Variants in RTN1 observed in about 807,000 individuals in gnomAD.
RTN1 encodes reticulon 1.
A neutral mutation model predicts 65.5 loss-of-function variants in RTN1; 25 were observed. The ratio of observed to expected loss-of-function variants is 0.38; its 90% CI spans 0.28 to 0.53. The LOEUF is 0.53. Among genes scored for constraint, RTN1 ranks in the 20% least tolerant of loss-of-function variants. The pLI, the probability that RTN1 is intolerant of heterozygous loss-of-function variation, is 0.79. For synonymous variants in RTN1, 471 were observed against 447.6 expected (o/e 1.05, Z -0.66); for missense variants, 983 against 1,025.4 (o/e 0.96, Z 0.57).
chr14:59,679,132 TA>T (rs1161009905), intron 3 of RTN1, among the ~76,000 whole-genome samples: 1 of 152,184 alleles, frequency 6.6e-6, no homozygotes, highest in Non-Finnish European at 1.5e-5. Flanking sequence ...AAGGCCAAGA[TA>T]ATCCCTAACT....
At chr14:59,625,104 G>C (rs1320198284) in intron 3 of RTN1, among the ~76,000 whole-genome samples, 4 of 152,120 alleles carry the variant, frequency 2.6e-5, no homozygotes, top group Non-Finnish European at 5.9e-5. Context: ...AGGAGGGAAA[G>C]AGAGACTTTT....
At chr14:59,769,604 T>C (rs544568907) in intron 1 of RTN1, among the ~76,000 whole-genome samples, 1 of 152,354 alleles carries the variant, frequency 6.6e-6, no homozygotes, top group Admixed American at 6.5e-5. Flanking sequence ...TTATAAGACC[T>C]GCCATGCAGA....
Position 59,607,490 on chromosome 14 carries a change from T to C in RTN1, c.1768A>G (p.Ile590Val). 2 of 1,603,338 alleles carry C rather than the reference T, an allele frequency of 1.2e-6. No homozygotes were observed. The highest frequency in any genetic ancestry group is 4.5e-5 in the East Asian group (2 of 44,422). Residue 590 changes from isoleucine to valine, a missense_variant and splice_region_variant, in exon 4 of 9, where the codon ATT (isoleucine) becomes GTT (valine). Physicochemically the swap from Ile to Val is conservative, Grantham distance 29. Around this residue, in one of 2 missense-constraint regions of RTN1, gnomAD observed 818 missense variants for 801.8 expected, o/e 1.02. Coordinates refer to ENST00000267484, the MANE Select transcript of RTN1 (RefSeq NM_021136.3). ...ATGTCCCGCCAATACAACAGGTCAA[T>C]AGCTGCAGGAGACACCAAACACACC... is the stretch of plus-strand genomic sequence containing the variant. ...PLLFLNKQKA[I>V]DLLYWRDIKQ...
At chr14:59,731,372 A>G (rs1384060117) in intron 2 of RTN1, among the ~76,000 whole-genome samples, 1 of 152,172 alleles carries the variant, frequency 6.6e-6, no homozygotes, top group African/African-American at 2.4e-5. Flanking sequence ...AAGGGGGTGC[A>G]GGGTTTCTTT....
chr14:59,798,981 A>G (rs1886489381), intron 1 of RTN1, among the ~76,000 whole-genome samples: 1 of 152,190 alleles, frequency 6.6e-6, no homozygotes, highest in Admixed American at 6.6e-5. Flanking sequence ...CTCTTGAAAA[A>G]CAATTGCCAG....
chr14:59,598,923 G>A (rs774118420), intron 8 of RTN1, among the ~76,000 whole-genome samples: 7 of 152,060 alleles, frequency 4.6e-5, no homozygotes, highest in Non-Finnish European at 1.0e-4. Flanking sequence ...ACAGTACCCT[G>A]GTCATCTTTG....
At chr14:59,853,626 T>G (rs1887548783) in intron 1 of RTN1, among the ~76,000 whole-genome samples, 1 of 152,190 alleles carries the variant, frequency 6.6e-6, no homozygotes. Flanking sequence ...GAAACAAGTA[T>G]TCCCAGCTCT....
At chr14:59,763,667 G>C (rs1315266873) in intron 1 of RTN1, among the ~76,000 whole-genome samples, 1 of 151,416 alleles carries the variant, frequency 6.6e-6, no homozygotes, top group Non-Finnish European at 1.5e-5. Flanking sequence ...TGAGTACCTG[G>C]GACTACAGGC....
chr14:59,691,696 G>A (rs550303174), intron 3 of RTN1, among the ~76,000 whole-genome samples: 5 of 152,190 alleles, frequency 3.3e-5, no homozygotes, highest in African/African-American at 9.6e-5. Context: ...CAAAATAATA[G>A]CAAATCAAAC....
At chr14:59,607,241 A>T in intron 4 of RTN1, 44 bp downstream of exon 4, 1 of 1,567,022 alleles carries the variant, frequency 6.4e-7, no homozygotes, top group Non-Finnish European at 8.8e-7. Flanking sequence ...TGAGGGTAAA[A>T]GCCCCTGGTC....
chr14:59,863,309 T>C (rs1165881695), intron 1 of RTN1, among the ~76,000 whole-genome samples: 1 of 152,120 alleles, frequency 6.6e-6, no homozygotes, highest in Non-Finnish European at 1.5e-5. Context: ...AGTCTACAAA[T>C]ACCATCTCTT....
intron 3 of RTN1, chr14:59,610,081 C>T (rs1304522024): frequency 2.6e-6 from 2 of 772,666 alleles, no homozygotes; most frequent in East Asian, 4.9e-5. Flanking sequence ...ATAGAATTTG[C>T]TATTTTCAAG....
intron 1 of RTN1, among the ~76,000 whole-genome samples, chr14:59,750,328 TAATATATTATATCTATAA>T (rs1566713617): frequency 3.2e-3 from 55 of 17,120 alleles, no homozygotes; most frequent in Non-Finnish European, 4.1e-3. Context: ...CTATAATATA[TAATATATTATATCTATAA>T]TATATATTAT....
At chr14:59,609,948 AT>A (rs1881894570) in intron 3 of RTN1, among the ~76,000 whole-genome samples, 1 of 152,252 alleles carries the variant, frequency 6.6e-6, no homozygotes, top group South Asian at 2.1e-4. Flanking sequence ...AAACAAATAC[AT>A]TATAAGACAG....
intron 2 of RTN1, among the ~76,000 whole-genome samples, chr14:59,731,283 A>G (rs796172775): frequency 7.2e-5 from 11 of 152,344 alleles, no homozygotes; most frequent in African/African-American, 2.6e-4. Context: ...TTCATATGAA[A>G]TGTCCAGAAT....
Position 59,647,270 on chromosome 14 carries a change from C to T in RTN1, c.1766-39778G>A, listed in dbSNP as rs116210805. Among the ~76,000 whole-genome samples the T allele has an allele frequency of 3.1e-3, 475 of 152,306 alleles. 3 individuals are homozygous for T. Among genetic ancestry groups the T allele is most frequent in the African/African-American group, 0.011 (459 of 41,566 alleles). On this transcript the variant is annotated intron_variant, in intron 3 of 8. Transcript: ENST00000267484. ...ACCTAACTCTCCTAATACGTATGCA[C>T]CCAACACAGGGACACCCAGATTCAC...
intron 2 of RTN1, among the ~76,000 whole-genome samples, chr14:59,738,603 A>G (rs1885048602): frequency 6.6e-6 from 1 of 152,202 alleles, no homozygotes; most frequent in Non-Finnish European, 1.5e-5. Context: ...CAATTCCTCA[A>G]AGACCTAGAG....
chr14:59,859,788 G>A (rs548398989), intron 1 of RTN1, among the ~76,000 whole-genome samples: 6 of 152,182 alleles, frequency 3.9e-5, no homozygotes, highest in Non-Finnish European at 7.3e-5. Flanking sequence ...CTGGAGCAAA[G>A]GTAACTCTTG....
intron 1 of RTN1, among the ~76,000 whole-genome samples, chr14:59,832,815 C>T (rs185563516): frequency 6.6e-6 from 1 of 152,308 alleles, no homozygotes; most frequent in South Asian, 2.1e-4. Context: ...TCTACAGTGA[C>T]CTCTGCCTTA....
Sources: gnomAD v4.1 joint callset for allele counts (sites outside exome capture counted in the v4.1 genomes callset) on GRCh38, gnomAD v4.1.1 for gene constraint, gnomAD v4.1.1 regional missense constraint, MANE v1.5 for transcripts, NCBI Gene and HGNC (gene_info 2026-07-23, HGNC 2026-07-21) for gene names.